Variants in ZNF716 observed in about 807,000 individuals in gnomAD.
ZNF716 encodes the protein zinc finger protein 716.
ZNF716 carries 9 observed loss-of-function variants against 13.4 expected under a neutral mutation model. The ratio of observed to expected loss-of-function variants is 0.67; its 90% CI spans 0.41 to 1.18. ZNF716 has a LOEUF of 1.18. Ranked by LOEUF, ZNF716 falls within the 50% of genes most tolerant of loss-of-function variation. ZNF716 has a pLI of 0.01. For missense variants in ZNF716, 581 were observed against 576.6 expected, an observed-to-expected ratio of 1.01 and a Z score of -0.08; for synonymous variants, 186 against 195.2, an observed-to-expected ratio of 0.95 and a Z score of 0.39.
chr7:57,455,025 CAAAA>C (rs56899423), intron 1 of ZNF716, among the ~76,000 whole-genome samples: 2 of 131,306 alleles, frequency 1.5e-5, no homozygotes, highest in Admixed American at 1.6e-4. Context: ...GACTCCCTCT[CAAAA>C]AAAAAAAAAG....
intron 1 of ZNF716, among the ~76,000 whole-genome samples, chr7:57,461,034 T>C (rs10260791): frequency 0.38 from 57,874 of 150,832 alleles, 11,311 homozygotes; most frequent in East Asian, 0.52. Context: ...CTTTAGGAGG[T>C]CTGGGCAGCT....
intron 1 of ZNF716, among the ~76,000 whole-genome samples, chr7:57,452,259 T>A (rs781968092): frequency 1.4e-4 from 21 of 152,166 alleles, no homozygotes; most frequent in Non-Finnish European, 2.9e-4. Flanking sequence ...TTATTTTTTT[T>A]AAAAGCATTG....
At chr7:57,454,791 G>A (rs199557252) in intron 1 of ZNF716, among the ~76,000 whole-genome samples, 2 of 152,138 alleles carry the variant, frequency 1.3e-5, no homozygotes, top group East Asian at 1.9e-4. Context: ...TTGGGAGGCC[G>A]AGGCGGGCGG....
chr7:57,464,495 GTGT>G (rs71065118), intron 3 of ZNF716, among the ~76,000 whole-genome samples: 148,058 of 152,120 alleles, frequency 0.97, 72,068 homozygotes, highest in East Asian at 1. Flanking sequence ...TCAATATTAA[GTGT>G]TGTTATCACA....
chr7:57,461,272 G>A (rs1270449941), intron 1 of ZNF716, among the ~76,000 whole-genome samples: 1 of 152,070 alleles, frequency 6.6e-6, no homozygotes, highest in Non-Finnish European at 1.5e-5. Context: ...GAGAGATTTT[G>A]TCTCATAAAA....
rs1554324898 is a variant in ZNF716 at position 57,469,708 on chromosome 7, C to A, written c.1247C>A (p.Ala416Asp). The part of the protein sequence containing the change: ...KPYKCEECGK[A>D]FNCSSTLKKH... ...TACAAATGTGAAGAATGTGGCAAAG[C>A]CTTTAACTGCTCCTCAACCCTTAAG... Residue 416 changes from alanine to aspartate, a missense_variant, in exon 4 of 4, where the codon GCC becomes GAC. Coordinates refer to ENST00000420713, the MANE Select transcript of ZNF716 (RefSeq NM_001159279.1). The A allele has an allele frequency of 1.2e-6, 2 of 1,611,128 alleles. No individual in the cohort carries two copies. The highest frequency in any genetic ancestry group is 1.7e-6 in the Non-Finnish European group (2 of 1,177,994).
chr7:57,462,386 T>C (rs782530761), intron 1 of ZNF716, 74 bp from the exon 2 acceptor site: 1 of 1,534,886 alleles, frequency 6.5e-7, no homozygotes, highest in East Asian at 2.4e-5. Context: ...AATAAAAATC[T>C]CTGCCTATGG....
At chr7:57,462,422 A>G in intron 1 of ZNF716, 38 bp from the exon 2 acceptor site, 4 of 1,600,448 alleles carry the variant, frequency 2.5e-6, no homozygotes, top group African/African-American at 1.3e-5. Context: ...TTGTGTGTTC[A>G]TGAGTGTTTT....
At position 57,469,475 on chromosome 7, in the gene ZNF716, C is replaced by A. The variant is rs1789882410; in HGVS notation, c.1014C>A (p.Thr338=). 6 of 1,613,272 alleles carry A rather than the reference C, an allele frequency of 3.7e-6. No individual in the cohort carries two copies. The highest frequency in any genetic ancestry group is 1.1e-5 in the South Asian group (1 of 91,044). ...GCAAAGCCTTTAGCTTATCCTCAAC[C>A]CTTAAGAAACATAAGATAGTTCATA... The part of the protein sequence containing the change: ...ECGKAFSLSS[T]LKKHKIVHTG... The change falls in exon 4 of 4, where the codon ACC becomes ACA. Residue 338 remains threonine (T), a synonymous_variant. Transcript: ENST00000420713.
At chr7:57,450,467 C>T (rs1438300684) in intron 1 of ZNF716, 140 bp downstream of exon 1, 116 of 1,472,666 alleles carry the variant, frequency 7.9e-5, no homozygotes, top group South Asian at 3.5e-5. Flanking sequence ...CAGCTCGGCT[C>T]TTAGTCCCCT....
chr7:57,464,417 G>A (rs782000454), intron 3 of ZNF716, among the ~76,000 whole-genome samples: 12 of 151,840 alleles, frequency 7.9e-5, no homozygotes, highest in Admixed American at 3.9e-4. Flanking sequence ...CACTGCACCC[G>A]GCTCACTTGT....
rs1195159125 is a variant in ZNF716, at chr7:57,472,071, G to A, written c.*2122G>A. 6.6e-6 allele frequency: 1 copy of A among 152,152 alleles called. No individual in the cohort carries two copies. The highest frequency in any genetic ancestry group is 1.5e-5 in the Non-Finnish European group (1 of 68,032). The allele number at this position is 152,152 out of a possible 1,614,324, so 9.4% of individuals were successfully genotyped here. On this transcript the variant is annotated 3_prime_UTR_variant, in exon 4 of 4. Coordinates refer to ENST00000420713, the MANE Select transcript of ZNF716 (RefSeq NM_001159279.1). ...ACCAATTGTTGAATCAGAGATATGA[G>A]ATTGTTTTTTATAGGTGTCCATTAT...
rs1554325582 is a variant in ZNF716 at position 57,473,180 on chromosome 7, C to T, written c.*3231C>T. 6.6e-6 allele frequency: 1 copy of T among 152,074 alleles called. No individual in the cohort carries two copies. Among genetic ancestry groups the T allele is most frequent in the Non-Finnish European group, 1.5e-5 (1 of 68,008 alleles). The allele number at this position is 152,074 out of a possible 1,614,324, so 9.4% of individuals were successfully genotyped here. A position where few individuals can be genotyped will look rare whatever the true frequency, so the allele number is the denominator to read the frequency against. ...CACATGTGGCATCTCTGCTGACAAA[C>T]AAAAACAGACTTTTAGTTTCAATTT... is the stretch of plus-strand genomic sequence containing the variant. On this transcript the variant is annotated 3_prime_UTR_variant, in exon 4 of 4. Transcript: ENST00000420713.
At position 57,469,082 on chromosome 7, in the gene ZNF716, T is replaced by C. The variant is rs782101051; in HGVS notation, c.621T>C (p.His207=). 2.5e-6 allele frequency: 4 copies of C among 1,608,264 alleles called. No homozygotes were observed. Among genetic ancestry groups the C allele is most frequent in the Non-Finnish European group, 2.5e-6 (3 of 1,176,742 alleles). The part of the protein sequence containing the change: ...LSRLNQHQII[H]TREKSYKCEE... ...GCCTAAATCAACATCAGATAATTCA[T>C]ACTAGGGAGAAGTCTTACAAATGTG... is the stretch of plus-strand genomic sequence containing the variant. The change falls in exon 4 of 4, where the codon CAT becomes CAC. Residue 207 remains histidine (H), a synonymous_variant. Coordinates refer to ENST00000420713, the MANE Select transcript of ZNF716 (RefSeq NM_001159279.1).
intron 1 of ZNF716, among the ~76,000 whole-genome samples, chr7:57,458,277 G>C (rs1209405231): frequency 6.6e-6 from 1 of 152,114 alleles, no homozygotes; most frequent in East Asian, 1.9e-4. Flanking sequence ...CACCAGCAGC[G>C]TATAAGCATT....
In ZNF716 at chr7:57,472,711, C is replaced by G. The variant is rs1435375838; in HGVS notation, c.*2762C>G. 1 of 152,226 alleles carries G rather than the reference C, an allele frequency of 6.6e-6. No individual in the cohort carries two copies. Among genetic ancestry groups the G allele is most frequent in the African/African-American group, 2.4e-5 (1 of 41,434 alleles). The allele number at this position is 152,226 out of a possible 1,614,324, so 9.4% of individuals were successfully genotyped here. ...CAAACTCCTGACCTCAGGTGATACA[C>G]CCACCTCGGTGTACCGAAGTGCTGG... is the stretch of plus-strand genomic sequence containing the variant. On this transcript the variant is annotated 3_prime_UTR_variant, in exon 4 of 4. Transcript: ENST00000420713.
At chr7:57,460,950 C>A (rs1340339052) in intron 1 of ZNF716, among the ~76,000 whole-genome samples, 7 of 146,484 alleles carry the variant, frequency 4.8e-5, no homozygotes, top group African/African-American at 1.8e-4. Flanking sequence ...GTATCTTCAA[C>A]TTTGCAGAAA....
At position 57,463,106 on chromosome 7, in the gene ZNF716, G is replaced by C; in HGVS notation, c.200G>C (p.Cys67Ser). The change falls in exon 3 of 4, where the codon TGT becomes TCT. Residue 67 changes from cysteine (C) to serine (S), a missense_variant. Transcript: ENST00000420713. ...IAVSKPDLIT[C>S]LEQNKEPQNI... ...GTCTCTAAGCCAGACTTGATCACCT[G>C]TCTGGAGCAAAATAAAGAGCCCCAG... The C allele has an allele frequency of 6.2e-7, 1 of 1,610,594 alleles. No individual in the cohort carries two copies. The highest frequency in any genetic ancestry group is 8.5e-7 in the Non-Finnish European group (1 of 1,179,956).
chr7:57,464,143 TGGA>T (rs1789762661), intron 3 of ZNF716, among the ~76,000 whole-genome samples: 13 of 128,832 alleles, frequency 1.0e-4, no homozygotes, highest in African/African-American at 2.6e-4. Flanking sequence ...TTTTTTGAGA[TGGA>T]GTTTCACTCT....
Sources: gnomAD v4.1 joint callset for allele counts (sites outside exome capture counted in the v4.1 genomes callset) on GRCh38, gnomAD v4.1.1 for gene constraint, MANE v1.5 for transcripts, NCBI Gene and HGNC (gene_info 2026-07-23, HGNC 2026-07-21) for gene names.